The following SH3BGRL2 variants were observed in gnomAD, a reference collection of about 807,000 sequenced individuals.
SH3BGRL2 encodes the protein SH3 domain-binding glutamic acid-rich-like protein 2.
A neutral mutation model predicts 14.8 loss-of-function variants in SH3BGRL2; 21 were observed. That is an observed-to-expected ratio of 1.42 (90% CI 1.01 to 2.05). The LOEUF (loss-of-function observed/expected upper bound fraction) is 2.05. Ranked by LOEUF, SH3BGRL2 falls within the 30% of genes most tolerant of loss-of-function variation. The pLI, the probability that SH3BGRL2 is intolerant of heterozygous loss-of-function variation, is 0.00. For synonymous variants in SH3BGRL2, 50 were observed against 47.8 expected (o/e 1.05, Z -0.19); for missense variants, 147 against 130.8 (o/e 1.12, Z -0.61).
chr6:79,554,984 TA>T, the SH3BGRL2 span, among the ~76,000 whole-genome samples: 1 of 152,022 alleles, frequency 6.6e-6, no homozygotes, highest in Non-Finnish European at 1.5e-5. Context: ...TAATGTAAAA[TA>T]AAAGATATTT....
the SH3BGRL2 span, among the ~76,000 whole-genome samples, chr6:79,551,622 A>G: frequency 6.6e-6 from 1 of 152,150 alleles, no homozygotes; most frequent in Non-Finnish European, 1.5e-5. Context: ...TAGGAGCTTT[A>G]TGCTAAACAG....
intron 3 of SH3BGRL2, among the ~76,000 whole-genome samples, chr6:79,698,484 C>A (rs1385414424): frequency 1.3e-5 from 2 of 152,124 alleles, no homozygotes; most frequent in Admixed American, 6.5e-5. Flanking sequence ...AAAAACATGG[C>A]AACAAAGCCT....
intron 2 of SH3BGRL2, among the ~76,000 whole-genome samples, chr6:79,682,328 G>T (rs1406937306): frequency 3.3e-5 from 5 of 152,030 alleles, no homozygotes; most frequent in Non-Finnish European, 7.4e-5. Context: ...TTGAGATGGA[G>T]TCTCTCTCTG....
the SH3BGRL2 span, among the ~76,000 whole-genome samples, chr6:79,601,800 A>T: frequency 6.6e-6 from 1 of 152,156 alleles, no homozygotes; most frequent in African/African-American, 2.4e-5. Context: ...AATCCCTGAA[A>T]ATTCATTTTT....
chr6:79,552,302 T>G, the SH3BGRL2 span, among the ~76,000 whole-genome samples: 3 of 152,138 alleles, frequency 2.0e-5, no homozygotes, highest in African/African-American at 7.2e-5. Flanking sequence ...ACATTGCTTA[T>G]CTTTAGGTCA....
chr6:79,587,578 C>G, the SH3BGRL2 span, among the ~76,000 whole-genome samples: 1 of 152,150 alleles, frequency 6.6e-6, no homozygotes, highest in Non-Finnish European at 1.5e-5. Context: ...GAAGGAAATT[C>G]TAGAATTTGC....
chr6:79,694,742 C>G (rs1282210864), intron 2 of SH3BGRL2, among the ~76,000 whole-genome samples: 1 of 152,046 alleles, frequency 6.6e-6, no homozygotes, highest in Non-Finnish European at 1.5e-5. Flanking sequence ...TTATTTCTCC[C>G]TAATCACCCC....
At chr6:79,579,476 G>T in the SH3BGRL2 span, among the ~76,000 whole-genome samples, 5 of 152,322 alleles carry the variant, frequency 3.3e-5, no homozygotes, top group African/African-American at 1.2e-4. Flanking sequence ...CAACCCAGAA[G>T]AGAGTGGGGG....
At chr6:79,575,531 A>G in the SH3BGRL2 span, 1 of 152,160 alleles carries the variant, frequency 6.6e-6, no homozygotes. Context: ...TTCCAAGGAC[A>G]GTCCTGGTTT....
At chr6:79,555,663 C>T in the SH3BGRL2 span, among the ~76,000 whole-genome samples, 1 of 152,080 alleles carries the variant, frequency 6.6e-6, no homozygotes, top group Non-Finnish European at 1.5e-5. Flanking sequence ...GCGTGCACCA[C>T]CATGCCCAGC....
At chr6:79,570,672 C>T in the SH3BGRL2 span, among the ~76,000 whole-genome samples, 1 of 152,198 alleles carries the variant, frequency 6.6e-6, no homozygotes, top group African/African-American at 2.4e-5. Flanking sequence ...TCAAAAGTAA[C>T]CTGGCTGCAT....
chr6:79,549,387 T>C, the SH3BGRL2 span, among the ~76,000 whole-genome samples: 1 of 152,190 alleles, frequency 6.6e-6, no homozygotes, highest in South Asian at 2.1e-4. Context: ...AATGTAAACA[T>C]ATAATGATGT....
At chr6:79,649,490 G>A (rs1039727990) in intron 1 of SH3BGRL2, among the ~76,000 whole-genome samples, 1 of 152,144 alleles carries the variant, frequency 6.6e-6, no homozygotes, top group African/African-American at 2.4e-5. Context: ...AATTCCAGGA[G>A]AAAGTAGGTT....
chr6:79,639,560 A>G (rs1187765400), intron 1 of SH3BGRL2, among the ~76,000 whole-genome samples: 2 of 152,198 alleles, frequency 1.3e-5, no homozygotes, highest in African/African-American at 2.4e-5. Flanking sequence ...ACTGCACTCC[A>G]GCCTGGGTGA....
At chr6:79,645,862 A>T (rs12526644) in intron 1 of SH3BGRL2, among the ~76,000 whole-genome samples, 11,308 of 152,176 alleles carry the variant, frequency 0.074, 539 homozygotes, top group Non-Finnish European at 0.11. Context: ...TCTATTTGCT[A>T]TGTGCTTGGT....
chr6:79,657,496 G>T (rs1769445934), intron 1 of SH3BGRL2, among the ~76,000 whole-genome samples: 1 of 152,186 alleles, frequency 6.6e-6, no homozygotes, highest in African/African-American at 2.4e-5. Context: ...AAGGGCTGTG[G>T]AAGACGCTGA....
chr6:79,681,834 C>CT (rs1181769682), intron 2 of SH3BGRL2, among the ~76,000 whole-genome samples: 1 of 151,976 alleles, frequency 6.6e-6, no homozygotes, highest in Non-Finnish European at 1.5e-5. Context: ...TTTATGTAGT[C>CT]CCAGCTACTG....
intron 2 of SH3BGRL2, among the ~76,000 whole-genome samples, chr6:79,693,025 T>C (rs1283147504): frequency 3.3e-5 from 5 of 152,128 alleles, no homozygotes; most frequent in Non-Finnish European, 5.9e-5. Flanking sequence ...TATCCTCCTT[T>C]ATTTCATTGA....
chr6:79,572,657 G>C, the SH3BGRL2 span, among the ~76,000 whole-genome samples: 5 of 152,000 alleles, frequency 3.3e-5, no homozygotes, highest in African/African-American at 1.2e-4. Context: ...AGCAGAGATG[G>C]GGTTTCACTG....
Sources: gnomAD v4.1 joint callset for allele counts (sites outside exome capture counted in the v4.1 genomes callset) on GRCh38, gnomAD v4.1.1 for gene constraint, MANE v1.5 for transcripts, NCBI Gene and HGNC (gene_info 2026-07-23, HGNC 2026-07-21) for gene names.